Variants in ACOT7 observed in about 807,000 individuals in gnomAD.
ACOT7 encodes the protein cytosolic acyl coenzyme A thioester hydrolase.
In ACOT7, 12 loss-of-function variants were observed where a neutral mutation model predicts 40.2. The ratio of observed to expected loss-of-function variants is 0.30; its 90% CI spans 0.19 to 0.48. The LOEUF (loss-of-function observed/expected upper bound fraction) is 0.48, where lower values mean the gene tolerates loss of function less well. Among genes scored for constraint, ACOT7 ranks in the 20% least tolerant of loss-of-function variants. ACOT7 has a pLI of 0.99. For missense variants in ACOT7, 395 were observed against 530.8 expected, an observed-to-expected ratio of 0.74 and a Z score of 2.51; for synonymous variants, 228 against 219.5, an observed-to-expected ratio of 1.04 and a Z score of -0.34.
intron 1 of ACOT7, among the ~76,000 whole-genome samples, chr1:6,383,688 A>C (rs1042522203): frequency 6.6e-6 from 1 of 150,738 alleles, no homozygotes; most frequent in Admixed American, 6.6e-5. Flanking sequence ...GGCACACCCC[A>C]CCTACCCTGC....
At chr1:6,350,963 C>A (rs774927450) in intron 1 of ACOT7, among the ~76,000 whole-genome samples, 1 of 152,234 alleles carries the variant, frequency 6.6e-6, no homozygotes, top group Non-Finnish European at 1.5e-5. Context: ...TGGGAGATCA[C>A]GCAGATCGCA....
chr1:6,321,958 CCT>C (rs1405179943), intron 5 of ACOT7, among the ~76,000 whole-genome samples: 4 of 152,238 alleles, frequency 2.6e-5, no homozygotes, highest in African/African-American at 7.2e-5. Flanking sequence ...ACTAAATTCC[CCT>C]GAGGCCCAAG....
chr1:6,373,842 G>A (rs968515484), intron 1 of ACOT7, among the ~76,000 whole-genome samples: 1 of 149,782 alleles, frequency 6.7e-6, no homozygotes, highest in Non-Finnish European at 1.5e-5. Flanking sequence ...TCCAGCCTGG[G>A]CAACAAAAGC....
chr1:6,309,528 T>C (rs1640272321), intron 6 of ACOT7, among the ~76,000 whole-genome samples: 1 of 152,212 alleles, frequency 6.6e-6, no homozygotes, highest in Non-Finnish European at 1.5e-5. Flanking sequence ...AGCTCAAAGT[T>C]TGTCACTTTT....
Position 6,333,564 on chromosome 1 carries a change from G to A in ACOT7, c.423C>T (p.Ala141=). ...NVMSENILTG[A]KKLTNKATLW... The stretch of plus-strand genomic sequence containing the variant: ...GGGTGGCCTTATTGGTCAGCTTTTT[G>A]GCACCTTAAGAGAAGAAAATCACAT... Residue 141 remains alanine (A), a synonymous_variant, in exon 4 of 9, where the codon GCC becomes GCT. Transcript: ENST00000361521. 6.2e-7 allele frequency: 1 copy of A among 1,614,156 alleles called. No homozygotes were observed. The highest frequency in any genetic ancestry group is 8.5e-7 in the Non-Finnish European group (1 of 1,180,006).
At chr1:6,339,693 C>A in intron 2 of ACOT7, 104 bp from the exon 3 acceptor site, 1 of 1,408,346 alleles carries the variant, frequency 7.1e-7, no homozygotes, top group Non-Finnish European at 9.5e-7. Flanking sequence ...TGCTTTCATT[C>A]CCCACTGTGA....
chr1:6,305,819 T>G (rs1640133245), intron 6 of ACOT7, among the ~76,000 whole-genome samples: 1 of 152,050 alleles, frequency 6.6e-6, no homozygotes, highest in Non-Finnish European at 1.5e-5. Flanking sequence ...TCTCGGCACT[T>G]TGGGGGGCCA....
chr1:6,329,307 A>C (rs1640891673), intron 4 of ACOT7, among the ~76,000 whole-genome samples: 1 of 152,216 alleles, frequency 6.6e-6, no homozygotes. Context: ...TGTTCAAAAG[A>C]AGCAAACTGT....
intron 1 of ACOT7, among the ~76,000 whole-genome samples, chr1:6,365,265 T>C (rs544683155): frequency 4.0e-4 from 61 of 152,190 alleles, no homozygotes; most frequent in South Asian, 1.7e-3. Flanking sequence ...GTCTCGGTCT[T>C]GATTGTGGTG....
intron 1 of ACOT7, among the ~76,000 whole-genome samples, chr1:6,390,781 C>T (rs1340135336): frequency 1.3e-5 from 2 of 150,654 alleles, no homozygotes; most frequent in African/African-American, 2.4e-5. Flanking sequence ...ACTAAAAATA[C>T]AAAAATTAGC....
rs530233392 is a variant in ACOT7 at position 6,299,638 on chromosome 1, T to C, written c.713-4658A>G. Among the ~76,000 whole-genome samples, 1 of 140,522 alleles carries C rather than the reference T, an allele frequency of 7.1e-6. No homozygotes were observed. Among genetic ancestry groups the C allele is most frequent in the Admixed American group, 6.8e-5 (1 of 14,718 alleles). The allele number at this position is 140,522 out of a possible 152,430, so 92.2% of individuals were successfully genotyped here. ...TCCTGACTAGGTACTAGGTCATGGC[T>C]TCAGAGAGAGAGAGAGAGAGAGCGC... On this transcript the variant is annotated intron_variant, in intron 6 of 8. Transcript: ENST00000361521. The surrounding 1 kb of genome is among the most constrained non-coding windows in gnomAD (Gnocchi z 4.1).
chr1:6,360,444 G>A, intron 1 of ACOT7: 2 of 1,321,092 alleles, frequency 1.5e-6, no homozygotes, highest in Non-Finnish European at 2.1e-6. Flanking sequence ...TGAGTAGCCG[G>A]CATCCCAGGG....
intron 2 of ACOT7, among the ~76,000 whole-genome samples, chr1:6,345,552 C>G (rs1641396463): frequency 6.6e-6 from 1 of 152,182 alleles, no homozygotes; most frequent in Non-Finnish European, 1.5e-5. Context: ...TTAGGAAACG[C>G]CCAGGAGAGG....
At chr1:6,368,056 G>A (rs1488346201) in intron 1 of ACOT7, among the ~76,000 whole-genome samples, 2 of 152,138 alleles carry the variant, frequency 1.3e-5, no homozygotes, top group South Asian at 2.1e-4. Flanking sequence ...GGGCCTCAGA[G>A]TGGAGGAAGT....
chr1:6,292,929 G>A (rs1180639329), intron 7 of ACOT7, among the ~76,000 whole-genome samples: 11 of 134,788 alleles, frequency 8.2e-5, no homozygotes, highest in Non-Finnish European at 1.7e-4. Flanking sequence ...TCACTCTGTC[G>A]CCCAGCCTGG....
chr1:6,294,981 C>T lies in ACOT7; in HGVS notation c.713-1G>A. ...TCATCCATGAGCTTCATGGTCACAC[C>T]TGCGGAGAAAGGGACATGCGGCAGA... On this transcript the variant is annotated splice_acceptor_variant, in intron 6 of 8. Transcript: ENST00000361521. LOFTEE classifies it high-confidence loss of function. The surrounding 1 kb of genome is among the most constrained non-coding windows in gnomAD (Gnocchi z 4.6). 9 of 1,610,628 alleles carry T rather than the reference C, an allele frequency of 5.6e-6. No individual in the cohort carries two copies. Among genetic ancestry groups the T allele is most frequent in the Non-Finnish European group, 7.6e-6 (9 of 1,177,068 alleles).
At chr1:6,308,664 ACAGGCAGAGGGAACCACGAC>A (rs1366088478) in intron 6 of ACOT7, among the ~76,000 whole-genome samples, 217 of 151,718 alleles carry the variant, frequency 1.4e-3, no homozygotes, top group Middle Eastern at 3.4e-3. Flanking sequence ...AGGAACAGCA[ACAGGCAGAGGGAACCACGAC>A]CAGGCAGAGG....
chr1:6,308,608 C>T (rs534444249), intron 6 of ACOT7, among the ~76,000 whole-genome samples: 1,554 of 150,722 alleles, frequency 0.01, 35 homozygotes, highest in African/African-American at 0.036. Flanking sequence ...GAACTACAAC[C>T]GGGCAGAGGG....
rs1641813062 is a variant in ACOT7 at position 6,358,565 on chromosome 1, A to T, written c.144-8699T>A. Among the ~76,000 whole-genome samples, 1 of 152,170 alleles carries T rather than the reference A, an allele frequency of 6.6e-6. No individual in the cohort carries two copies. The highest frequency in any genetic ancestry group is 2.4e-5 in the African/African-American group (1 of 41,454). ...CCCTGGGGACTAGAGCAGGCAGGGG[A>T]GTGCCCTGGTCCGTCAGGGGACCCC... On this transcript the variant is annotated intron_variant, in intron 1 of 8. Coordinates refer to ENST00000361521, the MANE Select transcript of ACOT7 (RefSeq NM_007274.4). This position sits in a 1 kb window ranked among gnomAD's most constrained non-coding sequence, Gnocchi z 4.1.
Sources: allele counts gnomAD v4.1 joint callset (sites outside exome capture counted in the v4.1 genomes callset), GRCh38; gene constraint gnomAD v4.1.1; non-coding constraint Gnocchi (gnomAD v3.1); transcripts MANE v1.5; gene names NCBI Gene and HGNC (gene_info 2026-07-23, HGNC 2026-07-21).